Variants in ZNF469 observed in about 807,000 individuals in gnomAD.
ZNF469 encodes the protein zinc finger protein 469.
In ZNF469, 1 loss-of-function variant was observed where a neutral mutation model predicts 1.0. The ratio of observed to expected loss-of-function variants is 1.00; its 90% CI spans 0.35 to 4.73. The LOEUF is 4.73. Among genes scored for constraint, ZNF469 ranks in the 30% most tolerant of loss-of-function variants. The probability of loss-of-function intolerance (pLI) is 0.16; values close to 1 mark genes in which losing one functional copy is unlikely to be tolerated. For missense variants in ZNF469, 6,100 were observed against 5,356.3 expected, an observed-to-expected ratio of 1.14 and a Z score of -4.33; for synonymous variants, 2,703 against 2,363.4, an observed-to-expected ratio of 1.14 and a Z score of -4.17.
the ZNF469 span, among the ~76,000 whole-genome samples, chr16:88,260,938 C>G: frequency 6.6e-6 from 1 of 152,158 alleles, no homozygotes; most frequent in Non-Finnish European, 1.5e-5. The surrounding 1 kb of genome is among the most constrained non-coding windows in gnomAD (Gnocchi z 4.1). Context: ...GACGCAGACT[C>G]TGGTGTGATG....
At chr16:88,332,936 C>A in the ZNF469 span, among the ~76,000 whole-genome samples, 1 of 152,188 alleles carries the variant, frequency 6.6e-6, no homozygotes, top group Admixed American at 6.5e-5. Flanking sequence ...CCTTCCCACC[C>A]CCCTGTCAGA....
At chr16:88,334,719 G>C in the ZNF469 span, among the ~76,000 whole-genome samples, 1 of 152,178 alleles carries the variant, frequency 6.6e-6, no homozygotes, top group Admixed American at 6.5e-5. Flanking sequence ...ACCAGGGTGG[G>C]GCCTAAATCC....
the ZNF469 span, among the ~76,000 whole-genome samples, chr16:88,214,469 T>C: frequency 1.6e-5 from 2 of 125,184 alleles, no homozygotes; most frequent in Non-Finnish European, 3.5e-5. Flanking sequence ...TTAGTTCTTT[T>C]GAGTTTTTTT....
At chr16:88,107,024 T>C in the ZNF469 span, among the ~76,000 whole-genome samples, 7 of 152,106 alleles carry the variant, frequency 4.6e-5, no homozygotes, top group African/African-American at 1.7e-4. Flanking sequence ...GCAGCGAGGG[T>C]CACGAGTTCT....
rs773139907 is a variant in ZNF469, at chr16:88,436,254, C to T, written c.8784C>T (p.Asp2928=). The stretch of plus-strand genomic sequence containing the variant: ...TCTGCCATGAGGACCCGTGGGAGGA[C>T]GAGGATCCCGCAGGTCTGCCCGAGT... ...LCLCHEDPWE[D]EDPAGLPESF... The change falls in exon 3 of 3, where the codon GAC becomes GAT. Residue 2928 remains aspartate (D), a synonymous_variant. Coordinates refer to ENST00000565624, the MANE Select transcript of ZNF469 (RefSeq NM_001367624.2). 5.8e-6 allele frequency: 9 copies of T among 1,549,674 alleles called. No individual in the cohort carries two copies. The highest frequency in any genetic ancestry group is 2.0e-5 in the Admixed American group (1 of 50,988).
chr16:88,114,067 C>T, the ZNF469 span, among the ~76,000 whole-genome samples: 2,743 of 152,154 alleles, frequency 0.018, 29 homozygotes, highest in Non-Finnish European at 0.029. Context: ...CTGTCCCCCA[C>T]CCCCAGCTTC....
At chr16:88,255,598 C>T in the ZNF469 span, among the ~76,000 whole-genome samples, 6 of 152,180 alleles carry the variant, frequency 3.9e-5, no homozygotes, top group African/African-American at 1.2e-4. Context: ...CCTACACTGA[C>T]ACATTATTAT....
At chr16:88,111,132 C>T in the ZNF469 span, among the ~76,000 whole-genome samples, 1 of 152,342 alleles carries the variant, frequency 6.6e-6, no homozygotes, top group East Asian at 1.9e-4. Flanking sequence ...CGCCCCATGT[C>T]AAACCATTTC....
the ZNF469 span, among the ~76,000 whole-genome samples, chr16:88,335,450 C>T: frequency 4.6e-5 from 7 of 152,206 alleles, no homozygotes; most frequent in African/African-American, 1.2e-4. Context: ...GGTGCCATGG[C>T]GAGACAGCTG....
chr16:88,332,370 C>T, the ZNF469 span, among the ~76,000 whole-genome samples: 1 of 152,202 alleles, frequency 6.6e-6, no homozygotes, highest in Non-Finnish European at 1.5e-5. Flanking sequence ...CCTGGAAGCA[C>T]CCGTGGGAAC....
the ZNF469 span, among the ~76,000 whole-genome samples, chr16:88,372,416 T>A: frequency 7.0e-6 from 1 of 143,620 alleles, no homozygotes; most frequent in Admixed American, 6.9e-5. Flanking sequence ...ATCATCACCA[T>A]CACCATCATC....
chr16:88,120,905 G>A, the ZNF469 span, among the ~76,000 whole-genome samples: 57 of 152,336 alleles, frequency 3.7e-4, 1 homozygote, highest in East Asian at 7.9e-3. Flanking sequence ...GTGGGAGGCC[G>A]TGTGGTTTCT....
chr16:88,363,023 T>C, the ZNF469 span, among the ~76,000 whole-genome samples: 1 of 152,358 alleles, frequency 6.6e-6, no homozygotes, highest in East Asian at 1.9e-4. Context: ...TTTCAGATAT[T>C]GTATATTTTA....
intron 1 of ZNF469, among the ~76,000 whole-genome samples, chr16:88,400,658 C>G (rs1034009688): frequency 2.6e-5 from 4 of 152,138 alleles, no homozygotes; most frequent in Admixed American, 6.5e-5. Context: ...TCCCCACAGT[C>G]ATGGGTCAGC....
At chr16:88,229,144 A>T in the ZNF469 span, among the ~76,000 whole-genome samples, 1 of 152,248 alleles carries the variant, frequency 6.6e-6, no homozygotes, top group African/African-American at 2.4e-5. Flanking sequence ...AAAGGAGAAT[A>T]AAAAAGTCAA....
the ZNF469 span, among the ~76,000 whole-genome samples, chr16:88,270,016 T>G: frequency 6.6e-6 from 1 of 152,178 alleles, no homozygotes; most frequent in Non-Finnish European, 1.5e-5. Context: ...TCTAGGTGGT[T>G]GTGACATCAG....
At chr16:88,357,227 C>T in the ZNF469 span, among the ~76,000 whole-genome samples, 58 of 152,244 alleles carry the variant, frequency 3.8e-4, no homozygotes, top group Non-Finnish European at 7.6e-4. Context: ...CACTTACTGT[C>T]CCTTCAAGCC....
intron 1 of ZNF469, among the ~76,000 whole-genome samples, chr16:88,421,482 C>T (rs1230371003): frequency 6.6e-6 from 1 of 152,218 alleles, no homozygotes; most frequent in Non-Finnish European, 1.5e-5. Flanking sequence ...GCACATGCCG[C>T]CCCATGCCCA....
rs1318832710 is a variant in ZNF469, at chr16:88,435,768, G to A, written c.8298G>A (p.Val2766=). ...WGPRETKALG[V]CKESGSEPAE... ...CAAGAGAGACCAAGGCGTTGGGTGTGTGCAAAGAGTCTGGGAGCGAGCCTG... is the reference window on the plus strand; with the variant it reads ...CAAGAGAGACCAAGGCGTTGGGTGTATGCAAAGAGTCTGGGAGCGAGCCTG... Residue 2766 remains valine, a synonymous_variant, in exon 3 of 3, where the codon GTG becomes GTA. Transcript: ENST00000565624. 1.9e-6 allele frequency: 3 copies of A among 1,550,640 alleles called. No individual in the cohort carries two copies. Among genetic ancestry groups the A allele is most frequent in the Admixed American group, 2.0e-5 (1 of 50,988 alleles).
Sources: allele counts gnomAD v4.1 joint callset (sites outside exome capture counted in the v4.1 genomes callset), GRCh38; gene constraint gnomAD v4.1.1; non-coding constraint Gnocchi (gnomAD v3.1); transcripts MANE v1.5; gene names NCBI Gene and HGNC (gene_info 2026-07-23, HGNC 2026-07-21).